Variants in GIGYF1 observed in about 807,000 individuals in gnomAD.
The protein encoded by GIGYF1 is GRB10-interacting GYF protein 1.
A neutral mutation model predicts 147.1 loss-of-function variants in GIGYF1; 84 were observed. The ratio of observed to expected loss-of-function variants is 0.57; its 90% CI spans 0.48 to 0.68. The LOEUF (loss-of-function observed/expected upper bound fraction) is 0.68, where lower values mean the gene tolerates loss of function less well. GIGYF1 is among the 30% of genes least tolerant of loss of function. The probability of loss-of-function intolerance (pLI) is 0.00; values close to 1 mark genes in which losing one functional copy is unlikely to be tolerated. For synonymous variants in GIGYF1, 752 were observed against 589.5 expected (o/e 1.28, Z -3.99); for missense variants, 1,485 against 1,393.7 (o/e 1.07, Z -1.04).
At chr7:100,687,909 A>G (rs1008140128) in intron 5 of GIGYF1, 26 bp from the exon 6 acceptor site, 1 of 1,613,256 alleles carries the variant, frequency 6.2e-7, no homozygotes, top group Non-Finnish European at 8.5e-7. Flanking sequence ...GACAGCCAAG[A>G]CACCACATGC....
In GIGYF1 at chr7:100,683,309, T is replaced by C. The variant is rs1156868463; in HGVS notation, c.2188A>G (p.Lys730Glu). 1 of 1,613,746 alleles carries C rather than the reference T, an allele frequency of 6.2e-7. No individual in the cohort carries two copies. Among genetic ancestry groups the C allele is most frequent in the Non-Finnish European group, 8.5e-7 (1 of 1,179,940 alleles). Residue 730 changes from lysine to glutamate, a missense_variant, in exon 21 of 27, where the codon AAG becomes GAG. Coordinates refer to ENST00000678049, the MANE Select transcript of GIGYF1 (RefSeq NM_001375765.1). ...TGAGGCTTGGGAGCACCCACGTGCT[T>C]GCGCCGAAACAGCTCTTCCTCCTCC... ...RQEEEELFRRKHVRQQELLLK... is the reference protein window; with the variant it reads ...RQEEEELFRREHVRQQELLLK...
In GIGYF1 at chr7:100,684,117, G is replaced by C; in HGVS notation, c.1771C>G (p.Leu591Val). The change falls in exon 18 of 27, where the codon CTG becomes GTG. Residue 591 changes from leucine (L) to valine (V), a missense_variant. Physicochemically the swap from Leu to Val is conservative, Grantham distance 32 (BLOSUM62 1). Coordinates refer to ENST00000678049, the MANE Select transcript of GIGYF1 (RefSeq NM_001375765.1). ...GGTGGTGGCGGTGTCAGGTCCCCCA[G>C]AGCTGCCTTTTCTCGGAGCGCGCAC... The part of the protein sequence containing the change: ...PQCALREKAA[L>V]GDLTPPPPPP... The C allele has an allele frequency of 6.2e-7, 1 of 1,608,600 alleles. No homozygotes were observed. Among genetic ancestry groups the C allele is most frequent in the East Asian group, 2.2e-5 (1 of 44,864 alleles).
Position 100,685,404 on chromosome 7 carries a change from G to GTGGGC in GIGYF1, c.1127_1131dup (p.Leu378AlafsTer30). 1 of 1,589,856 alleles carries GTGGGC rather than the reference G, an allele frequency of 6.3e-7. No individual in the cohort carries two copies. Among genetic ancestry groups the GTGGGC allele is most frequent in the Non-Finnish European group, 8.5e-7 (1 of 1,174,208 alleles). On this transcript the variant is annotated frameshift_variant, in exon 13 of 27. Coordinates refer to ENST00000678049, the MANE Select transcript of GIGYF1 (RefSeq NM_001375765.1). LOFTEE classifies it high-confidence loss of function. ...TCCCCATCCCCGTTTGTCCCCCAGA[G>GTGGGC]TGGGCCCAGGGTGGGCAGTGGGGAT...
In GIGYF1 at chr7:100,687,499, C is replaced by T. The variant is rs1805482095; in HGVS notation, c.373+6G>A. The stretch of plus-strand genomic sequence containing the variant: ...CCGTCCCCAGGACACGCCATCACCC[C>T]TCTACCTCGGCTCCGCGTGCTGCCC... On this transcript the variant is annotated splice_donor_region_variant and intron_variant, in intron 7 of 26. Transcript: ENST00000678049. 3 of 1,610,680 alleles carry T rather than the reference C, an allele frequency of 1.9e-6. No homozygotes were observed. The highest frequency in any genetic ancestry group is 2.5e-6 in the Non-Finnish European group (3 of 1,178,564).
At position 100,681,681 on chromosome 7, in the gene GIGYF1, C is replaced by A; in HGVS notation, c.*38G>T. On this transcript the variant is annotated 3_prime_UTR_variant, in exon 27 of 27. Transcript: ENST00000678049. ...CCCTCGGTCCACGCCGCTGTGGCTG[C>A]CCTGGCCTACAGCCCAGGGGCTGGG... The A allele has an allele frequency of 1.3e-6, 2 of 1,515,466 alleles. No individual in the cohort carries two copies. The highest frequency in any genetic ancestry group is 2.6e-5 in the South Asian group (2 of 75,600). 93.9% of individuals were successfully genotyped at this position (1,515,466 alleles called of 1,614,324 possible).
At position 100,685,489 on chromosome 7, in the gene GIGYF1, A is replaced by T; in HGVS notation, c.1055-8T>A. Reference sequence around the variant, plus strand: ...GGGTCAGCTCTTTCCCACCTAGAAGAGGGAGATGGCCAGAGTTCAGAACCA... The same window carrying T: ...GGGTCAGCTCTTTCCCACCTAGAAGTGGGAGATGGCCAGAGTTCAGAACCA... On this transcript the variant is annotated splice_region_variant and splice_polypyrimidine_tract_variant and intron_variant, in intron 12 of 26. Transcript: ENST00000678049. 1 of 1,597,410 alleles carries T rather than the reference A, an allele frequency of 6.3e-7. No homozygotes were observed. The highest frequency in any genetic ancestry group is 8.5e-7 in the Non-Finnish European group (1 of 1,176,004).
chr7:100,682,701 T>C lies in GIGYF1; in HGVS notation c.2489A>G (p.Lys830Arg), dbSNP rs1461077988. The change falls in exon 23 of 27, where the codon AAG (lysine) becomes AGG (arginine). Residue 830 changes from lysine (K) to arginine (R), a missense_variant. Transcript: ENST00000678049. Reference sequence around the variant, plus strand: ...CAGGCCGCTGCTGCCGCCCCCACTCTTGTCTGGCCCGCCCCACAGTGGCCC... The same window carrying C: ...CAGGCCGCTGCTGCCGCCCCCACTCCTGTCTGGCCCGCCCCACAGTGGCCC... ...EAGPLWGGPD[K>R]SGGGSSGLGL... 6.3e-7 allele frequency: 1 copy of C among 1,592,612 alleles called. No individual in the cohort carries two copies.
chr7:100,692,827 G>A (rs569864729), intron 1 of GIGYF1, among the ~76,000 whole-genome samples: 3 of 152,332 alleles, frequency 2.0e-5, no homozygotes, highest in East Asian at 3.9e-4. Context: ...GGGGGACCAA[G>A]ACCTACAATC....
intron 8 of GIGYF1, 88 bp downstream of exon 8, chr7:100,687,210 G>T: frequency 1.4e-6 from 2 of 1,456,894 alleles, no homozygotes; most frequent in Non-Finnish European, 1.9e-6. Flanking sequence ...GGCTTATCTG[G>T]TGGGCCTCTG....
Position 100,682,246 on chromosome 7 carries a change from A to G in GIGYF1, c.2762-11T>C. 2 of 1,609,462 alleles carry G rather than the reference A, an allele frequency of 1.2e-6. No individual in the cohort carries two copies. Among genetic ancestry groups the G allele is most frequent in the Non-Finnish European group, 1.7e-6 (2 of 1,178,736 alleles). On this transcript the variant is annotated splice_polypyrimidine_tract_variant and intron_variant, in intron 24 of 26. Coordinates refer to ENST00000678049, the MANE Select transcript of GIGYF1 (RefSeq NM_001375765.1). ...CTACAGCCATGGGCACTGCAGGATG[A>G]GCGAAGGCTGTCAGGGCCCCCTGGC...
Position 100,681,865 on chromosome 7 carries a change from C to A in GIGYF1, c.3054G>T (p.Leu1018=), listed in dbSNP as rs1208371381. 2.5e-6 allele frequency: 4 copies of A among 1,612,438 alleles called. No individual in the cohort carries two copies. The highest frequency in any genetic ancestry group is 1.7e-6 in the Non-Finnish European group (2 of 1,179,694). Residue 1018 remains leucine (L), a splice_region_variant and synonymous_variant, in exon 26 of 27, where the codon CTG becomes CTT. Transcript: ENST00000678049. Reference sequence around the variant, plus strand: ...CGCTCCTGCCCCAGCCCAGCTCACCCAGGATGCTGGGGTCTGAGTGCAGCA... The same window carrying A: ...CGCTCCTGCCCCAGCCCAGCTCACCAAGGATGCTGGGGTCTGAGTGCAGCA... The part of the protein sequence containing the change: ...ALMLHSDPSI[L]GYSLHGSSGE...
chr7:100,683,226 C>T lies in GIGYF1; in HGVS notation c.2198G>A (p.Arg733Gln), dbSNP rs760024412. 7.4e-6 allele frequency: 12 copies of T among 1,611,836 alleles called. No homozygotes were observed. The highest frequency in any genetic ancestry group is 6.7e-5 in the East Asian group (3 of 44,892). The stretch of plus-strand genomic sequence containing the variant: ...CAACTTCAGCAATAGCTCCTGCTGC[C>T]GCACCTAAGAGGGGGACATGGTGAG... ...EEELFRRKHV[R>Q]QQELLLKLLQ... Residue 733 changes from arginine (R) to glutamine (Q), a missense_variant, in exon 22 of 27, where the codon CGG (arginine) becomes CAG (glutamine). Transcript: ENST00000678049.
rs948408578 is a variant in GIGYF1, at chr7:100,680,498, C to T, written c.*1221G>A. The T allele has an allele frequency of 3.3e-5, 5 of 152,650 alleles. No individual in the cohort carries two copies. Among genetic ancestry groups the T allele is most frequent in the Non-Finnish European group, 1.5e-5 (1 of 68,076 alleles). The allele number at this position is 152,650 out of a possible 1,614,324, so 9.5% of individuals were successfully genotyped here. A position where few individuals can be genotyped will look rare whatever the true frequency, so the allele number is the denominator to read the frequency against. On this transcript the variant is annotated 3_prime_UTR_variant, in exon 27 of 27. Coordinates refer to ENST00000678049, the MANE Select transcript of GIGYF1 (RefSeq NM_001375765.1). ...GACCCAGGAGCCGCACACTTCTCTT[C>T]ACCCCAACCTTACCCAACGGTAAAA...
In GIGYF1 at chr7:100,686,164, G is replaced by A. The variant is rs760482550; in HGVS notation, c.948+16C>T. On this transcript the variant is annotated intron_variant, in intron 11 of 26. Coordinates refer to ENST00000678049, the MANE Select transcript of GIGYF1 (RefSeq NM_001375765.1). ...CCCGGAAGGGCAGGTTCCCACCCTCGCCTCCTCACAGATACCTTGAGAGGC... is the reference window on the plus strand; with the variant it reads ...CCCGGAAGGGCAGGTTCCCACCCTCACCTCCTCACAGATACCTTGAGAGGC... 8 of 1,602,580 alleles carry A rather than the reference G, an allele frequency of 5.0e-6. No homozygotes were observed. The highest frequency in any genetic ancestry group is 4.5e-5 in the East Asian group (2 of 44,660).
chr7:100,687,930 C>T (rs1379859380), intron 5 of GIGYF1, 47 bp from the exon 6 acceptor site: 2 of 1,611,628 alleles, frequency 1.2e-6, no homozygotes, highest in Non-Finnish European at 1.7e-6. Context: ...TGCCAGATCC[C>T]CTCCACAGGC....
At chr7:100,685,674 G>A (rs898929762) in intron 12 of GIGYF1, among the ~76,000 whole-genome samples, 193 bp from the exon 13 acceptor site, 2 of 152,180 alleles carry the variant, frequency 1.3e-5, no homozygotes, top group Admixed American at 6.5e-5. Flanking sequence ...TGCCAGACGC[G>A]GCAGGAACAT....
chr7:100,692,127 G>A (rs1325252210), intron 1 of GIGYF1, among the ~76,000 whole-genome samples: 1 of 152,210 alleles, frequency 6.6e-6, no homozygotes, highest in African/African-American at 2.4e-5. Flanking sequence ...CCTGCTGGAG[G>A]GGACCTGGCC....
Position 100,685,443 on chromosome 7 carries a change from TCTC to T in GIGYF1, c.1090_1092del (p.Glu364del), listed in dbSNP as rs140167656. ...GGCAGTGGGGATGGGGAGCTGGACT[TCTC>T]CTCCTGAGGAGGCAGTGGGGTCAGC... On this transcript the variant is annotated inframe_deletion, in exon 13 of 27. Coordinates refer to ENST00000678049, the MANE Select transcript of GIGYF1 (RefSeq NM_001375765.1). The T allele has an allele frequency of 4.7e-4, 757 of 1,594,580 alleles. 4 individuals are homozygous for T. In the East Asian group the frequency reaches 0.011, roughly 23 times the overall value.
At position 100,682,322 on chromosome 7, in the gene GIGYF1, C is replaced by A; in HGVS notation, c.2761G>T (p.Val921Leu). 1 of 1,611,660 alleles carries A rather than the reference C, an allele frequency of 6.2e-7. No homozygotes were observed. Among genetic ancestry groups the A allele is most frequent in the Non-Finnish European group, 8.5e-7 (1 of 1,179,490 alleles). Reference protein sequence around the residue: ...HTLSATGSLDVPMAVAILKEV... With the variant: ...HTLSATGSLDLPMAVAILKEV... ...CACCTCCTGGGAGCCGCTCGCCCAC[C>A]GTCCAGGCTGCCCGTGGCGCTCAGC... is the stretch of plus-strand genomic sequence containing the variant. Residue 921 changes from valine to leucine, a missense_variant and splice_region_variant, in exon 24 of 27, where the codon GTG becomes TTG. By Grantham distance (32) the Val-to-Leu change is conservative. Transcript: ENST00000678049.
Sources: gnomAD v4.1 joint callset for allele counts (sites outside exome capture counted in the v4.1 genomes callset) on GRCh38, gnomAD v4.1.1 for gene constraint, MANE v1.5 for transcripts, NCBI Gene and HGNC (gene_info 2026-07-23, HGNC 2026-07-21) for gene names.